Variants in PCDHB14 observed in about 807,000 individuals in gnomAD.
The protein encoded by PCDHB14 is protocadherin beta 14, also known as protocadherin beta-14.
For synonymous variants in PCDHB14, 511 were observed against 441.5 expected (o/e 1.16, Z -1.97); for missense variants, 1,129 against 1,000.5 (o/e 1.13, Z -1.73).
rs1554289068 is a variant in PCDHB14 at position 141,223,944 on chromosome 5, A to G, written c.439A>G (p.Thr147Ala). 3 of 1,613,902 alleles carry G rather than the reference A, an allele frequency of 1.9e-6. No homozygotes were observed. Among genetic ancestry groups the G allele is most frequent in the Admixed American group, 1.7e-5 (1 of 60,012 alleles). Residue 147 changes from threonine to alanine, a missense_variant, in exon 1 of 1, where the codon ACT becomes GCT. Coordinates refer to ENST00000239449, the MANE Select transcript of PCDHB14 (RefSeq NM_018934.4). The stretch of plus-strand genomic sequence containing the variant: ...ACTTATTAAAATATCAGAAGGTACC[A>G]CTGTTGGAGCTACCTTTCTAATGGA... ...EILIKISEGT[T>A]VGATFLMESA...
In PCDHB14 at chr5:141,225,505, C is replaced by T. The variant is rs535337228; in HGVS notation, c.2000C>T (p.Ser667Phe). ...CACGTGCTCCTGGTGGACGGCTTCT[C>T]CCAGCCCTACCTGCCGCTCCCTGAG... is the stretch of plus-strand genomic sequence containing the variant. The part of the protein sequence containing the change: ...TLHVLLVDGF[S>F]QPYLPLPEAA... Residue 667 changes from serine to phenylalanine, a missense_variant, in exon 1 of 1, where the codon TCC becomes TTC. Physicochemically the swap from Ser to Phe is radical, Grantham distance 155 (BLOSUM62 -2). Transcript: ENST00000239449. 2.5e-6 allele frequency: 4 copies of T among 1,607,676 alleles called. No individual in the cohort carries two copies. The highest frequency in any genetic ancestry group is 3.3e-5 in the Admixed American group (2 of 59,984).
rs1220377781 is a variant in PCDHB14, at chr5:141,225,721, T to G, written c.2216T>G (p.Val739Gly). 1 of 1,614,094 alleles carries G rather than the reference T, an allele frequency of 6.2e-7. No homozygotes were observed. Among genetic ancestry groups the G allele is most frequent in the African/African-American group, 1.3e-5 (1 of 74,944 alleles). The change falls in exon 1 of 1, where the codon GTG becomes GGG. Residue 739 changes from valine (V) to glycine (G), a missense_variant. Transcript: ENST00000239449. ...CCCTTTCCAGGGCATCTGGTGGACG[T>G]GAGCGGCACCGGGACCCTGTCCCAG... ...EGPFPGHLVD[V>G]SGTGTLSQSY...
Position 141,224,602 on chromosome 5 carries a change from C to A in PCDHB14, c.1097C>A (p.Ala366Asp), listed in dbSNP as rs1754795898. The stretch of plus-strand genomic sequence containing the variant: ...GAGAATGCCTCAGAGACCCTAGTAG[C>A]TCTTTTTAGTATCCTAGACCAAGAC... ...IPENASETLV[A>D]LFSILDQDSG... Residue 366 changes from alanine (A) to aspartate (D), a missense_variant, in exon 1 of 1, where the codon GCT becomes GAT. By Grantham distance (126) the Ala-to-Asp change is moderately radical. Coordinates refer to ENST00000239449, the MANE Select transcript of PCDHB14 (RefSeq NM_018934.4). 1 of 1,613,800 alleles carries A rather than the reference C, an allele frequency of 6.2e-7. No individual in the cohort carries two copies. The highest frequency in any genetic ancestry group is 1.3e-5 in the African/African-American group (1 of 74,854).
Position 141,226,102 on chromosome 5 carries a change from T to G in PCDHB14, c.*200T>G. ...TAATCTGTGTTTTCTGGTTTTTCATTTATTTGGCCAAAATGTTATATTAAT... is the reference window on the plus strand; with the variant it reads ...TAATCTGTGTTTTCTGGTTTTTCATGTATTTGGCCAAAATGTTATATTAAT... On this transcript the variant is annotated 3_prime_UTR_variant, in exon 1 of 1. Transcript: ENST00000239449. 3.3e-6 allele frequency: 2 copies of G among 599,318 alleles called. No homozygotes were observed. Among genetic ancestry groups the G allele is most frequent in the Non-Finnish European group, 5.8e-6 (2 of 347,288 alleles). The allele number at this position is 599,318 out of a possible 1,614,324, so 37.1% of individuals were successfully genotyped here.
At position 141,223,490 on chromosome 5, in the gene PCDHB14, A is replaced by T; in HGVS notation, c.-16A>T. 1 of 1,560,712 alleles carries T rather than the reference A, an allele frequency of 6.4e-7. No homozygotes were observed. Among genetic ancestry groups the T allele is most frequent in the East Asian group, 2.2e-5 (1 of 44,462 alleles). On this transcript the variant is annotated 5_prime_UTR_variant, in exon 1 of 1. Transcript: ENST00000239449. ...CTGAGCTTCAGTTTTTCCACAAGAG[A>T]TTGCCTAAAGGAACCATGGAGATCA... is the stretch of plus-strand genomic sequence containing the variant.
chr5:141,224,882 C>T lies in PCDHB14; in HGVS notation c.1377C>T (p.Phe459=), dbSNP rs1554289265. 1 of 1,613,470 alleles carries T rather than the reference C, an allele frequency of 6.2e-7. No homozygotes were observed. The highest frequency in any genetic ancestry group is 1.1e-5 in the South Asian group (1 of 91,034). The change falls in exon 1 of 1, where the codon TTC becomes TTT. Residue 459 remains phenylalanine, a synonymous_variant. Transcript: ENST00000239449. ...TCACCCAAACCTCCTACACCCTGTT[C>T]GTCCGCGAGAACAACAGCCCCGCCC... ...PTFTQTSYTL[F]VRENNSPALH...
chr5:141,223,807 C>T lies in PCDHB14; in HGVS notation c.302C>T (p.Pro101Leu). ...DRDELCGSTE[P>L]CVLHFQVVLE... ...GACGAGCTGTGTGGCTCCACCGAGC[C>T]CTGTGTGCTGCATTTTCAGGTGGTT... The change falls in exon 1 of 1, where the codon CCC becomes CTC. Residue 101 changes from proline (P) to leucine (L), a missense_variant. Coordinates refer to ENST00000239449, the MANE Select transcript of PCDHB14 (RefSeq NM_018934.4). 3 of 1,613,828 alleles carry T rather than the reference C, an allele frequency of 1.9e-6. No individual in the cohort carries two copies. Among genetic ancestry groups the T allele is most frequent in the South Asian group, 1.1e-5 (1 of 91,046 alleles).
rs1563999056 is a variant in PCDHB14, at chr5:141,224,300, A to G, written c.795A>G (p.Ser265=). ...TTGGCTCCTGGATTGCCACCATCTC[A>G]GCTAAGGATCTGGATGCAGGAAACT... ...RPLGSWIATI[S]AKDLDAGNYG... Residue 265 remains serine, a synonymous_variant, in exon 1 of 1, where the codon TCA becomes TCG. Coordinates refer to ENST00000239449, the MANE Select transcript of PCDHB14 (RefSeq NM_018934.4). 6.2e-7 allele frequency: 1 copy of G among 1,614,112 alleles called. No individual in the cohort carries two copies. Among genetic ancestry groups the G allele is most frequent in the Non-Finnish European group, 8.5e-7 (1 of 1,179,984 alleles).
chr5:141,225,051 C>T lies in PCDHB14; in HGVS notation c.1546C>T (p.Leu516Phe). ...CGCGGACAATGGCCACCTGTTTGCCCTCAGGTCGCTGGACTACGAGGCCCT... is the reference window on the plus strand; with the variant it reads ...CGCGGACAATGGCCACCTGTTTGCCTTCAGGTCGCTGGACTACGAGGCCCT... ...INADNGHLFALRSLDYEALQE... is the reference protein window; with the variant it reads ...INADNGHLFAFRSLDYEALQE... Residue 516 changes from leucine (L) to phenylalanine (F), a missense_variant, in exon 1 of 1, where the codon CTC (leucine) becomes TTC (phenylalanine). By Grantham distance (22) the Leu-to-Phe change is conservative (BLOSUM62 0). Coordinates refer to ENST00000239449, the MANE Select transcript of PCDHB14 (RefSeq NM_018934.4). 5.0e-6 allele frequency: 8 copies of T among 1,612,560 alleles called. 1 individual carries two copies. Among genetic ancestry groups the T allele is most frequent in the African/African-American group, 1.3e-5 (1 of 75,016 alleles).
chr5:141,227,705 T>C lies in PCDHB14; in HGVS notation c.*1803T>C, dbSNP rs1554289754. 6.6e-6 allele frequency: 1 copy of C among 152,196 alleles called. No individual in the cohort carries two copies. Among genetic ancestry groups the C allele is most frequent in the African/African-American group, 2.4e-5 (1 of 41,468 alleles). The allele number at this position is 152,196 out of a possible 1,614,324, so 9.4% of individuals were successfully genotyped here. A position where few individuals can be genotyped will look rare whatever the true frequency, so the allele number is the denominator to read the frequency against. Reference sequence around the variant, plus strand: ...TATTTTTCGTTGTAACAAGTAGTTATTTGTTGTGTGGATTTCTTAAAATTG... The same window carrying C: ...TATTTTTCGTTGTAACAAGTAGTTACTTGTTGTGTGGATTTCTTAAAATTG... On this transcript the variant is annotated 3_prime_UTR_variant, in exon 1 of 1. Coordinates refer to ENST00000239449, the MANE Select transcript of PCDHB14 (RefSeq NM_018934.4).
At position 141,224,510 on chromosome 5, in the gene PCDHB14, TA is replaced by T; in HGVS notation, c.1008del (p.Val337LeufsTer4). The T allele has an allele frequency of 6.2e-7, 1 of 1,613,028 alleles. No homozygotes were observed. The highest frequency in any genetic ancestry group is 8.5e-7 in the Non-Finnish European group (1 of 1,179,732). On this transcript the variant is annotated frameshift_variant, in exon 1 of 1. Coordinates refer to ENST00000239449, the MANE Select transcript of PCDHB14 (RefSeq NM_018934.4). LOFTEE classifies it low-confidence loss of function (END_TRUNC). Reference protein sequence around the residue: ...GLSGKCTLLVKVMDINDNPPE... With the variant: ...GLSGKCTLLVXVMDINDNPPE... ...TTTCAGGAAAATGCACCCTTCTAGT[TA>T]AAGTTATGGATATAAACGACAACCC...
chr5:141,227,461 C>A lies in PCDHB14; in HGVS notation c.*1559C>A, dbSNP rs576759162. The A allele has an allele frequency of 6.6e-6, 1 of 152,182 alleles. No individual in the cohort carries two copies. The highest frequency in any genetic ancestry group is 2.1e-4 in the South Asian group (1 of 4,822). 9.4% of individuals were successfully genotyped at this position (152,182 alleles called of 1,614,324 possible). The stretch of plus-strand genomic sequence containing the variant: ...TATATCTCAGCTCTAAAAGAAAGTT[C>A]TATAGAAGATTATAGATAGAGATTT... On this transcript the variant is annotated 3_prime_UTR_variant, in exon 1 of 1. Transcript: ENST00000239449.
Position 141,223,881 on chromosome 5 carries a change from A to T in PCDHB14, c.376A>T (p.Ile126Leu), listed in dbSNP as rs782668281. Reference sequence around the variant, plus strand: ...TCGGTTTGAGCTGTGTGTCAAAGACATAAATGATCACTCCCCTACATTTCT... The same window carrying T: ...TCGGTTTGAGCTGTGTGTCAAAGACTTAAATGATCACTCCCCTACATTTCT... The part of the protein sequence containing the change: ...FFRFELCVKD[I>L]NDHSPTFLDK... The change falls in exon 1 of 1, where the codon ATA becomes TTA. Residue 126 changes from isoleucine to leucine, a missense_variant. Ile to Leu is a conservative substitution (Grantham distance 5). Transcript: ENST00000239449. The T allele has an allele frequency of 1.2e-6, 2 of 1,613,532 alleles. No individual in the cohort carries two copies. Among genetic ancestry groups the T allele is most frequent in the Non-Finnish European group, 1.7e-6 (2 of 1,179,818 alleles).
chr5:141,224,296 T>C lies in PCDHB14; in HGVS notation c.791T>C (p.Ile264Thr), dbSNP rs1554289133. Reference sequence around the variant, plus strand: ...CCCCTTGGCTCCTGGATTGCCACCATCTCAGCTAAGGATCTGGATGCAGGA... The same window carrying C: ...CCCCTTGGCTCCTGGATTGCCACCACCTCAGCTAAGGATCTGGATGCAGGA... ...DRPLGSWIAT[I>T]SAKDLDAGNY... Residue 264 changes from isoleucine (I) to threonine (T), a missense_variant, in exon 1 of 1, where the codon ATC becomes ACC. Transcript: ENST00000239449. The C allele has an allele frequency of 6.2e-7, 1 of 1,614,148 alleles. No individual in the cohort carries two copies. Among genetic ancestry groups the C allele is most frequent in the Non-Finnish European group, 8.5e-7 (1 of 1,180,012 alleles).
At position 141,225,005 on chromosome 5, in the gene PCDHB14, C is replaced by T. The variant is rs142260227; in HGVS notation, c.1500C>T (p.Leu500=). The T allele has an allele frequency of 1.3e-5, 21 of 1,612,544 alleles. No homozygotes were observed. The African/African-American group carries it at 2.8e-4, about 22-fold the overall frequency. The change falls in exon 1 of 1, where the codon CTC becomes CTT. Residue 500 remains leucine, a synonymous_variant. Coordinates refer to ENST00000239449, the MANE Select transcript of PCDHB14 (RefSeq NM_018934.4). ...LLPPQDRHLP[L]ASLVSINADN... is the part of the protein sequence containing the mutation. ...CGCCCCAGGACCGGCACCTGCCCCT[C>T]GCCTCCTTGGTCTCCATCAACGCGG...
Position 141,227,132 on chromosome 5 carries a change from T to G in PCDHB14, c.*1230T>G, listed in dbSNP as rs183458773. On this transcript the variant is annotated 3_prime_UTR_variant, in exon 1 of 1. Transcript: ENST00000239449. ...CAGGCATGAGCCATTACGTCTGGCCTAGTTTTCTTTAAATACACCGTGTTT... is the reference window on the plus strand; with the variant it reads ...CAGGCATGAGCCATTACGTCTGGCCGAGTTTTCTTTAAATACACCGTGTTT... 9.1e-4 allele frequency: 139 copies of G among 152,372 alleles called. No individual in the cohort carries two copies. Among genetic ancestry groups the G allele is most frequent in the African/African-American group, 2.6e-3 (109 of 41,590 alleles). 9.4% of individuals were successfully genotyped at this position (152,372 alleles called of 1,614,324 possible). A position where few individuals can be genotyped will look rare whatever the true frequency, so the allele number is the denominator to read the frequency against.
rs1554289243 is a variant in PCDHB14, at chr5:141,224,818, C to T, written c.1313C>T (p.Thr438Ile). The T allele has an allele frequency of 6.2e-7, 1 of 1,614,108 alleles. No homozygotes were observed. Among genetic ancestry groups the T allele is most frequent in the Non-Finnish European group, 8.5e-7 (1 of 1,180,026 alleles). Residue 438 changes from threonine (T) to isoleucine (I), a missense_variant, in exon 1 of 1, where the codon ACC becomes ATC. Coordinates refer to ENST00000239449, the MANE Select transcript of PCDHB14 (RefSeq NM_018934.4). Reference protein sequence around the residue: ...TPRLKTEYNITVLLSDVNDNA... With the variant: ...TPRLKTEYNIIVLLSDVNDNA... ...AGGCTGAAAACCGAGTACAACATAA[C>T]CGTGCTGCTCTCTGACGTCAATGAC...
Position 141,225,743 on chromosome 5 carries a change from C to T in PCDHB14, c.2238C>T (p.Ser746=), listed in dbSNP as rs1754846064. ...LVDVSGTGTL[S]QSYQYEVCLT... ...ACGTGAGCGGCACCGGGACCCTGTC[C>T]CAGAGCTACCAATACGAGGTGTGTC... The change falls in exon 1 of 1, where the codon TCC becomes TCT. Residue 746 remains serine, a synonymous_variant. Transcript: ENST00000239449. 1 of 1,614,212 alleles carries T rather than the reference C, an allele frequency of 6.2e-7. No individual in the cohort carries two copies. The highest frequency in any genetic ancestry group is 2.2e-5 in the East Asian group (1 of 44,862).
In PCDHB14 at chr5:141,225,555, G is replaced by T. The variant is rs781898323; in HGVS notation, c.2050G>T (p.Asp684Tyr). The T allele has an allele frequency of 1.2e-6, 2 of 1,610,682 alleles. No individual in the cohort carries two copies. The highest frequency in any genetic ancestry group is 1.1e-5 in the South Asian group (1 of 91,040). Residue 684 changes from aspartate (D) to tyrosine (Y), a missense_variant, in exon 1 of 1, where the codon GAC becomes TAC. Asp to Tyr is a radical substitution (Grantham distance 160). Transcript: ENST00000239449. ...GGCGGCCCCGGCCCAGGCCCAGGCC[G>T]ACTCCCTCACCGTCTACCTGGTGGT... ...PEAAPAQAQA[D>Y]SLTVYLVVAL...
Sources: gnomAD v4.1 joint callset for allele counts on GRCh38, gnomAD v4.1.1 for gene constraint, MANE v1.5 for transcripts, NCBI Gene and HGNC (gene_info 2026-07-23, HGNC 2026-07-21) for gene names.